Variants in ZGPAT observed in about 807,000 individuals in gnomAD.
The protein encoded by ZGPAT is zinc finger CCCH-type with G patch domain-containing protein.
Under a neutral mutation model 47.9 loss-of-function variants are expected in ZGPAT, and 39 were observed. The observed-to-expected ratio is 0.81, with a 90% confidence interval of 0.63 to 1.06. The LOEUF (loss-of-function observed/expected upper bound fraction) is 1.06, where lower values mean the gene tolerates loss of function less well. ZGPAT is among the 50% of genes least tolerant of loss of function. The probability of loss-of-function intolerance (pLI) is 0.00; values close to 1 mark genes in which losing one functional copy is unlikely to be tolerated. For synonymous variants in ZGPAT, 348 were observed against 292.9 expected, an observed-to-expected ratio of 1.19 and a Z score of -1.92; for missense variants, 717 against 681.4, an observed-to-expected ratio of 1.05 and a Z score of -0.58.
chr20:63,715,900 A>G (rs780538591), intron 2 of ZGPAT, among the ~76,000 whole-genome samples: 1 of 152,178 alleles, frequency 6.6e-6, no homozygotes, highest in Non-Finnish European at 1.5e-5. Flanking sequence ...TATTGATTCA[A>G]TTTCCTTATT....
At chr20:63,729,098 C>A (rs999581603) in intron 2 of ZGPAT, among the ~76,000 whole-genome samples, 1 of 147,348 alleles carries the variant, frequency 6.8e-6, no homozygotes, top group African/African-American at 2.5e-5. Context: ...GTGGTGCGAT[C>A]TTGGCTCACT....
At chr20:63,729,665 A>G (rs2091877744) in intron 2 of ZGPAT, among the ~76,000 whole-genome samples, 1 of 151,970 alleles carries the variant, frequency 6.6e-6, no homozygotes, top group African/African-American at 2.4e-5. Context: ...AGTTAACTTC[A>G]TGGATATGCC....
chr20:63,712,717 G>A (rs1365727083), intron 2 of ZGPAT, among the ~76,000 whole-genome samples: 8 of 152,138 alleles, frequency 5.3e-5, no homozygotes, highest in Non-Finnish European at 2.9e-5. Context: ...CCAACGTGGT[G>A]AAACCCCGTC....
intron 2 of ZGPAT, among the ~76,000 whole-genome samples, chr20:63,721,633 T>A (rs2091788859): frequency 1.3e-5 from 2 of 152,142 alleles, no homozygotes; most frequent in South Asian, 4.1e-4. Flanking sequence ...GTAGCTCTTT[T>A]CCCAGCCTCT....
At chr20:63,714,493 A>G (rs906092674) in intron 2 of ZGPAT, among the ~76,000 whole-genome samples, 2 of 151,844 alleles carry the variant, frequency 1.3e-5, no homozygotes, top group Non-Finnish European at 2.9e-5. Context: ...TTAGGTGGAA[A>G]ACTTTTTTGT....
intron 2 of ZGPAT, among the ~76,000 whole-genome samples, chr20:63,725,893 C>T (rs1007695867): frequency 3.3e-5 from 5 of 151,220 alleles, no homozygotes; most frequent in East Asian, 1.9e-4. Flanking sequence ...AGTGCAGTGG[C>T]GCGATTTCGG....
Position 63,725,382 on chromosome 20 carries a change from T to C in ZGPAT, c.585-7837T>C, listed in dbSNP as rs569511279. 8.0e-4 allele frequency among the ~76,000 whole-genome samples: 122 copies of C among 152,388 alleles called. 1 individual carries two copies. Among genetic ancestry groups the C allele is most frequent in the African/African-American group, 2.7e-3 (114 of 41,602 alleles). ...TTTTTTGAAGGATAGTTTAGCTGGC[T>C]ATAGAATTATTAATTGATCATTCTT... On this transcript the variant is annotated intron_variant, in intron 2 of 6. Coordinates refer to ENST00000355969, the MANE Select transcript of ZGPAT (RefSeq NM_181485.3).
chr20:63,734,430 G>T, intron 4 of ZGPAT: 1 of 544,378 alleles, frequency 1.8e-6, no homozygotes, highest in Non-Finnish European at 3.2e-6. Context: ...GGAGAGGGCT[G>T]CGGAGGAGGG....
Position 63,735,384 on chromosome 20 carries a change from C to A in ZGPAT, c.1217C>A (p.Ala406Asp). 6.4e-7 allele frequency: 1 copy of A among 1,553,842 alleles called. No homozygotes were observed. Among genetic ancestry groups the A allele is most frequent in the Non-Finnish European group, 8.7e-7 (1 of 1,152,960 alleles). ...CTCAATGAAAAGCTGCAAGGTCAGGCTCCTGGGGCCCTAGAAGCCGGGGCG... is the reference window on the plus strand; with the variant it reads ...CTCAATGAAAAGCTGCAAGGTCAGGATCCTGGGGCCCTAGAAGCCGGGGCG... ...DFLNEKLQGQAPGALEAGAAP... is the reference protein window; with the variant it reads ...DFLNEKLQGQDPGALEAGAAP... The change falls in exon 6 of 7, where the codon GCT (alanine) becomes GAT (aspartate). Residue 406 changes from alanine (A) to aspartate (D), a missense_variant. Coordinates refer to ENST00000355969, the MANE Select transcript of ZGPAT (RefSeq NM_181485.3).
chr20:63,718,559 G>C (rs888273594), intron 2 of ZGPAT, among the ~76,000 whole-genome samples: 7 of 151,758 alleles, frequency 4.6e-5, no homozygotes, highest in Admixed American at 1.3e-4. Flanking sequence ...GACCTCAGGT[G>C]ATCTGCCCGC....
intron 4 of ZGPAT, 160 bp from the exon 5 acceptor site, chr20:63,734,545 G>A (rs1253539286): frequency 2.1e-6 from 3 of 1,408,080 alleles, no homozygotes; most frequent in South Asian, 2.8e-5. Context: ...GTGGGGTGTC[G>A]TGGCTCTGCC....
chr20:63,735,126 A>G (rs2427534), intron 5 of ZGPAT, 33 bp from the exon 6 acceptor site: 350,875 of 1,476,742 alleles, frequency 0.24, 46,403 homozygotes, highest in East Asian at 0.61. Flanking sequence ...GGGGTCCCGC[A>G]GCCACAGCAC....
intron 2 of ZGPAT, among the ~76,000 whole-genome samples, chr20:63,714,427 TAAAA>T (rs553069740): frequency 1.5e-5 from 2 of 133,434 alleles, no homozygotes; most frequent in Non-Finnish European, 3.2e-5. Flanking sequence ...ACCCTGTCTT[TAAAA>T]AAAAAAAAAA....
In ZGPAT at chr20:63,708,557, G is replaced by C. The variant is rs376082227; in HGVS notation, c.-24G>C. 2 of 1,560,284 alleles carry C rather than the reference G, an allele frequency of 1.3e-6. No homozygotes were observed. The highest frequency in any genetic ancestry group is 2.7e-5 in the African/African-American group (2 of 73,584). ...AGCTGGCTTCTCTTCTTGCAGCCCTGGTCCAGCGCCTCCCTCTCTCAGCAT... is the reference window on the plus strand; with the variant it reads ...AGCTGGCTTCTCTTCTTGCAGCCCTCGTCCAGCGCCTCCCTCTCTCAGCAT... On this transcript the variant is annotated 5_prime_UTR_variant, in exon 2 of 7. Coordinates refer to ENST00000355969, the MANE Select transcript of ZGPAT (RefSeq NM_181485.3).
Position 63,735,862 on chromosome 20 carries a change from C to T in ZGPAT, c.1479C>T (p.Ala493=), listed in dbSNP as rs147615653. Residue 493 remains alanine, a synonymous_variant, in exon 7 of 7, where the codon GCC becomes GCT. Coordinates refer to ENST00000355969, the MANE Select transcript of ZGPAT (RefSeq NM_181485.3). ...RQLGQLRAQE[A]GLQQEQRKAD... is the part of the protein sequence containing the mutation. ...TGGGGCAGCTCCGGGCTCAGGAAGC[C>T]GGCCTGCAGCAGGAGCAGAGGAAGG... 3.6e-4 allele frequency: 582 copies of T among 1,612,858 alleles called. 1 individual carries two copies. The African/African-American group carries it at 6.1e-3, about 17-fold the overall frequency.
Position 63,735,547 on chromosome 20 carries a change from C to G in ZGPAT, c.1380C>G (p.Leu460=). 6 of 1,515,282 alleles carry G rather than the reference C, an allele frequency of 4.0e-6. No individual in the cohort carries two copies. Among genetic ancestry groups the G allele is most frequent in the Non-Finnish European group, 5.3e-6 (6 of 1,133,100 alleles). 93.9% of individuals were successfully genotyped at this position (1,515,282 alleles called of 1,614,324 possible). A position where few individuals can be genotyped will look rare whatever the true frequency, so the allele number is the denominator to read the frequency against. Reference sequence around the variant, plus strand: ...ACATCAGGAGCATCCAGGAGGCTCTCGCCCGCAACGCTGGCCGGTACGTGT... The same window carrying G: ...ACATCAGGAGCATCCAGGAGGCTCTGGCCCGCAACGCTGGCCGGTACGTGT... The part of the protein sequence containing the change: ...QRDIRSIQEA[L]ARNAGRHSVA... The change falls in exon 6 of 7, where the codon CTC becomes CTG. Residue 460 remains leucine, a synonymous_variant. Coordinates refer to ENST00000355969, the MANE Select transcript of ZGPAT (RefSeq NM_181485.3).
At position 63,716,615 on chromosome 20, in the gene ZGPAT, G is replaced by A. The variant is rs182322624; in HGVS notation, c.584+7451G>A. Reference sequence around the variant, plus strand: ...TGCAACCCCTGCCTCCCAGGTTCAAGCAATTCTGCCTTAGCCTCCTGAGTA... The same window carrying A: ...TGCAACCCCTGCCTCCCAGGTTCAAACAATTCTGCCTTAGCCTCCTGAGTA... On this transcript the variant is annotated intron_variant, in intron 2 of 6. Transcript: ENST00000355969. 1.0e-3 allele frequency among the ~76,000 whole-genome samples: 155 copies of A among 151,672 alleles called. 1 individual carries two copies. Among genetic ancestry groups the A allele is most frequent in the African/African-American group, 3.5e-3 (146 of 41,332 alleles).
chr20:63,715,107 A>T (rs2259858), intron 2 of ZGPAT, among the ~76,000 whole-genome samples: 29,520 of 151,274 alleles, frequency 0.2, 3,851 homozygotes, highest in East Asian at 0.61. Flanking sequence ...TATTATTATT[A>T]TTTTTGTAGA....
At chr20:63,729,515 C>G (rs181757281) in intron 2 of ZGPAT, among the ~76,000 whole-genome samples, 12 of 152,250 alleles carry the variant, frequency 7.9e-5, no homozygotes, top group Non-Finnish European at 1.5e-4. Context: ...TTAATTTTCT[C>G]TTGTGAAATC....
Sources: allele counts gnomAD v4.1 joint callset (sites outside exome capture counted in the v4.1 genomes callset), GRCh38; gene constraint gnomAD v4.1.1; transcripts MANE v1.5; gene names NCBI Gene and HGNC (gene_info 2026-07-23, HGNC 2026-07-21).